ATP10B: variants seen among roughly 807,000 people sequenced by gnomAD.
The protein encoded by ATP10B is phospholipid-transporting ATPase VB.
In ATP10B, 122 loss-of-function variants were observed where a neutral mutation model predicts 141.2. The observed-to-expected ratio is 0.86, with a 90% CI of 0.75 to 1.00. ATP10B has a LOEUF of 1.00. Among genes scored for constraint, ATP10B ranks in the 50% least tolerant of loss-of-function variants. ATP10B has a pLI of 0.00. For missense variants in ATP10B, 1,876 were observed against 1,825.3 expected (o/e 1.03, Z -0.51); for synonymous variants, 685 against 692.0 (o/e 0.99, Z 0.16).
chr5:160,835,249 GTCAGT>G (rs1366595153), intron 1 of ATP10B, among the ~76,000 whole-genome samples: 1 of 152,168 alleles, frequency 6.6e-6, no homozygotes, highest in Non-Finnish European at 1.5e-5. Flanking sequence ...GGGTTGAGTT[GTCAGT>G]TCAAATTCCA....
intron 1 of ATP10B, among the ~76,000 whole-genome samples, chr5:160,816,196 A>T (rs1561885646): frequency 7.7e-6 from 1 of 129,688 alleles, no homozygotes. Flanking sequence ...GACATAAAAA[A>T]TGAATGAATC....
chr5:160,928,741 T>C, the ATP10B span, among the ~76,000 whole-genome samples: 1 of 152,174 alleles, frequency 6.6e-6, no homozygotes, highest in Admixed American at 6.5e-5. Context: ...CCCACACACA[T>C]TTCTTTCAAG....
In ATP10B at chr5:160,637,341, T is replaced by C. The variant is rs941777714; in HGVS notation, c.1001-1032A>G. On this transcript the variant is annotated intron_variant, in intron 10 of 25. Transcript: ENST00000327245. Reference sequence around the variant, plus strand: ...TCCATCCATTTATCCATCCATCCATTCATCCATCCATCCATCTATGTTTAC... The same window carrying C: ...TCCATCCATTTATCCATCCATCCATCCATCCATCCATCCATCTATGTTTAC... 6.7e-4 allele frequency among the ~76,000 whole-genome samples: 100 copies of C among 150,076 alleles called. 1 individual carries two copies. The highest frequency in any genetic ancestry group is 5.9e-3 in the Admixed American group (90 of 15,132).
At chr5:160,755,837 AAATATATATATATATATATATATATAT>A (rs1444381296) in intron 2 of ATP10B, among the ~76,000 whole-genome samples, 14 of 44,598 alleles carry the variant, frequency 3.1e-4, no homozygotes, top group Admixed American at 5.5e-4. Flanking sequence ...AAAAAAAAAA[AAATATATATATATATATATATATATAT>A]ATATATATAT....
At chr5:160,591,196 G>T in intron 22 of ATP10B, 57 bp from the exon 23 acceptor site, 2 of 1,467,544 alleles carry the variant, frequency 1.4e-6, no homozygotes, top group African/African-American at 1.4e-5. Context: ...TCTATTCTTT[G>T]CAAGCAACTT....
chr5:160,849,060 C>A (rs1029496038), intron 1 of ATP10B, among the ~76,000 whole-genome samples: 2 of 152,098 alleles, frequency 1.3e-5, no homozygotes, highest in African/African-American at 4.8e-5. Context: ...TGAGGTTTTG[C>A]CCTTCTAATA....
chr5:160,778,790 G>A (rs780435261), intron 2 of ATP10B, among the ~76,000 whole-genome samples: 11 of 152,084 alleles, frequency 7.2e-5, no homozygotes, highest in Non-Finnish European at 1.3e-4. Flanking sequence ...CCACTTTATC[G>A]ACTAATTCCA....
intron 1 of ATP10B, among the ~76,000 whole-genome samples, chr5:160,846,755 G>GT (rs1432594709): frequency 1.3e-5 from 2 of 152,182 alleles, no homozygotes; most frequent in South Asian, 2.1e-4. Flanking sequence ...AATGTCAAGT[G>GT]TTTTTAAGCC....
chr5:160,822,563 A>G (rs1438496022), intron 1 of ATP10B, among the ~76,000 whole-genome samples: 2 of 152,270 alleles, frequency 1.3e-5, no homozygotes, highest in East Asian at 3.9e-4. Flanking sequence ...CTACACTACC[A>G]TGTTTGTTGC....
chr5:160,913,420 G>A, the ATP10B span, among the ~76,000 whole-genome samples: 1 of 152,166 alleles, frequency 6.6e-6, no homozygotes, highest in African/African-American at 2.4e-5. Context: ...GGCACTAGAA[G>A]CAGTTACTAT....
At chr5:160,865,267 C>T in the ATP10B span, among the ~76,000 whole-genome samples, 1 of 151,982 alleles carries the variant, frequency 6.6e-6, no homozygotes, top group African/African-American at 2.4e-5. Context: ...AGAAATAAAC[C>T]CAAATACTTA....
intron 2 of ATP10B, among the ~76,000 whole-genome samples, chr5:160,766,337 A>AACACACACACACACACAC (rs58890049): frequency 7.1e-6 from 1 of 140,296 alleles, no homozygotes; most frequent in South Asian, 2.3e-4. Context: ...GGATAAAGAG[A>AACACACACACACACACAC]ACACACACAC....
chr5:160,795,329 T>C (rs1055603702), intron 1 of ATP10B, among the ~76,000 whole-genome samples: 21 of 152,192 alleles, frequency 1.4e-4, no homozygotes, highest in African/African-American at 4.6e-4. Flanking sequence ...TGCATATGGG[T>C]AAAACCATTG....
intron 17 of ATP10B, among the ~76,000 whole-genome samples, chr5:160,615,474 G>A (rs1388573304): frequency 6.6e-6 from 1 of 151,360 alleles, no homozygotes; most frequent in Non-Finnish European, 1.5e-5. Context: ...CCAAGATCTG[G>A]GAGGGCAGAC....
rs76285129 is a variant in ATP10B at position 160,785,196 on chromosome 5, T to C, written c.-331+363A>G. Among the ~76,000 whole-genome samples, 5 of 152,254 alleles carry C rather than the reference T, an allele frequency of 3.3e-5. No individual in the cohort carries two copies. The East Asian group carries it at 9.7e-4, about 29-fold the overall frequency. On this transcript the variant is annotated intron_variant, in intron 2 of 25. Coordinates refer to ENST00000327245, the MANE Select transcript of ATP10B (RefSeq NM_025153.3). ...TGGACCTCTCTTACCTTGGGACTTC[T>C]TATGAGGGCCAACAACTTTTTTCTT...
At chr5:160,759,268 A>G (rs565874514) in intron 2 of ATP10B, among the ~76,000 whole-genome samples, 2 of 152,286 alleles carry the variant, frequency 1.3e-5, no homozygotes, top group African/African-American at 4.8e-5. Flanking sequence ...CCTGGCTGGT[A>G]TCTGTCTGGT....
At chr5:160,666,774 G>A (rs1004469628) in intron 7 of ATP10B, among the ~76,000 whole-genome samples, 11 of 152,298 alleles carry the variant, frequency 7.2e-5, no homozygotes, top group African/African-American at 2.6e-4. Context: ...CAGGGAGCAG[G>A]CTGAGCCCAC....
In ATP10B at chr5:160,688,063, T is replaced by G. The variant is rs369675176; in HGVS notation, c.12A>C (p.Ser4=). 2.3e-5 allele frequency: 37 copies of G among 1,612,148 alleles called. No individual in the cohort carries two copies. Among genetic ancestry groups the G allele is most frequent in the Non-Finnish European group, 3.1e-5 (37 of 1,179,366 alleles). MAL[S]VDSSWHRWQW... ...GCCACCGATGCCACGATGAGTCCAC[T>G]GAGAGGGCCATTTCCAGCAGCAGGC... The change falls in exon 5 of 26, where the codon TCA becomes TCC. Residue 4 remains serine (S), a synonymous_variant. Transcript: ENST00000327245.
rs114041889 is a variant in ATP10B, at chr5:160,778,807, C to T, written c.-331+6752G>A. Among the ~76,000 whole-genome samples the T allele has an allele frequency of 6.1e-3, 921 of 152,186 alleles. 11 individuals carry two copies. The highest frequency in any genetic ancestry group is 0.021 in the African/African-American group (874 of 41,526). On this transcript the variant is annotated intron_variant, in intron 2 of 25. Transcript: ENST00000327245. ...ACTTTATCGACTAATTCCAGAGAGGCGAAAGGCACAGTGGCAATAACACCA... is the reference window on the plus strand; with the variant it reads ...ACTTTATCGACTAATTCCAGAGAGGTGAAAGGCACAGTGGCAATAACACCA...
Sources: allele counts gnomAD v4.1 joint callset (sites outside exome capture counted in the v4.1 genomes callset), GRCh38; gene constraint gnomAD v4.1.1; transcripts MANE v1.5; gene names NCBI Gene and HGNC (gene_info 2026-07-23, HGNC 2026-07-21).